GABRG3: variants seen among roughly 807,000 people sequenced by gnomAD.
GABRG3 encodes gamma-aminobutyric acid receptor subunit gamma-3.
A neutral mutation model predicts 48.8 loss-of-function variants in GABRG3; 25 were observed. The ratio of observed to expected loss-of-function variants is 0.51; its 90% confidence interval spans 0.37 to 0.72. GABRG3 has a LOEUF of 0.72. GABRG3 is among the 30% of genes least tolerant of loss of function. The pLI is 0.00. For missense variants in GABRG3, 394 were observed against 577.9 expected (o/e 0.68, Z 3.26); for synonymous variants, 227 against 217.6 (o/e 1.04, Z -0.38).
chr15:27,289,125 T>C (rs1293122167), intron 3 of GABRG3, among the ~76,000 whole-genome samples: 2 of 152,208 alleles, frequency 1.3e-5, no homozygotes, highest in Non-Finnish European at 2.9e-5. Context: ...TGTTTGATTA[T>C]GATATACCTA....
At chr15:27,494,612 A>G (rs1890438044) in intron 6 of GABRG3, among the ~76,000 whole-genome samples, 1 of 152,176 alleles carries the variant, frequency 6.6e-6, no homozygotes. Context: ...CAGCTAAGTT[A>G]CCACATTTAT....
At chr15:27,081,390 C>T (rs1046887580) in intron 3 of GABRG3, among the ~76,000 whole-genome samples, 3 of 151,726 alleles carry the variant, frequency 2.0e-5, no homozygotes, top group Non-Finnish European at 2.9e-5. Flanking sequence ...TTAGTAGTTT[C>T]CTTAACTATT....
intron 5 of GABRG3, among the ~76,000 whole-genome samples, chr15:27,412,900 T>A (rs1311325755): frequency 6.6e-6 from 1 of 152,158 alleles, no homozygotes; most frequent in East Asian, 1.9e-4. Flanking sequence ...TAACCTTGCA[T>A]GTCCAGTTAC....
chr15:27,255,521 C>G (rs1342731955), intron 3 of GABRG3, among the ~76,000 whole-genome samples: 1 of 152,228 alleles, frequency 6.6e-6, no homozygotes, highest in Non-Finnish European at 1.5e-5. Flanking sequence ...CTCACAGTTA[C>G]CATTCTGTTT....
chr15:27,242,348 A>C (rs1212846754), intron 3 of GABRG3, among the ~76,000 whole-genome samples: 1 of 152,308 alleles, frequency 6.6e-6, no homozygotes, highest in African/African-American at 2.4e-5. Context: ...CTGTGACATT[A>C]GTTTAGTTGC....
chr15:27,216,740 T>TTTTATTA (rs1555410274), intron 3 of GABRG3, among the ~76,000 whole-genome samples: 1 of 127,184 alleles, frequency 7.9e-6, no homozygotes, highest in Non-Finnish European at 1.6e-5. Flanking sequence ...TTTCTTTTTT[T>TTTTATTA]TTTTTTATTT....
At chr15:27,056,379 G>GA (rs1896547990) in intron 3 of GABRG3, among the ~76,000 whole-genome samples, 1 of 143,838 alleles carries the variant, frequency 7.0e-6, no homozygotes, top group Non-Finnish European at 1.5e-5. Context: ...AAAAAGAAAA[G>GA]AAAAAAGAAA....
chr15:27,032,899 C>T lies in GABRG3; in HGVS notation c.270+6078C>T, dbSNP rs528654184. On this transcript the variant is annotated intron_variant, in intron 3 of 9. Coordinates refer to ENST00000615808, the MANE Select transcript of GABRG3 (RefSeq NM_033223.5). ...GACCTGCAGTCTTGCAGAGGCTCCACTGGACTCTGGTTCCCCTGCCTTTCT... is the reference window on the plus strand; with the variant it reads ...GACCTGCAGTCTTGCAGAGGCTCCATTGGACTCTGGTTCCCCTGCCTTTCT... 1.1e-4 allele frequency among the ~76,000 whole-genome samples: 16 copies of T among 152,314 alleles called. No homozygotes were observed. In the South Asian group the frequency reaches 3.1e-3, roughly 30 times the overall value.
chr15:27,019,236 T>A (rs1034933213), intron 2 of GABRG3, among the ~76,000 whole-genome samples: 10 of 151,484 alleles, frequency 6.6e-5, no homozygotes, highest in Admixed American at 3.3e-4. Flanking sequence ...GCCTGGCTAA[T>A]TTTTTTTGTA....
intron 3 of GABRG3, among the ~76,000 whole-genome samples, chr15:27,085,347 A>G (rs1047513870): frequency 2.6e-5 from 4 of 152,200 alleles, no homozygotes; most frequent in African/African-American, 9.7e-5. Context: ...TACACCAGCT[A>G]TTTTTTAACC....
At chr15:27,291,970 C>A (rs527568124) in intron 3 of GABRG3, among the ~76,000 whole-genome samples, 16 of 152,276 alleles carry the variant, frequency 1.1e-4, no homozygotes, top group African/African-American at 3.8e-4. Context: ...AACAGGTTAC[C>A]TCCCCATAAT....
At chr15:27,246,585 A>G (rs1890277564) in intron 3 of GABRG3, among the ~76,000 whole-genome samples, 1 of 152,196 alleles carries the variant, frequency 6.6e-6, no homozygotes, top group East Asian at 1.9e-4. Context: ...TTCTTAGCTT[A>G]AATTTTTTTT....
chr15:26,985,676 G>A (rs1346861195), intron 2 of GABRG3, among the ~76,000 whole-genome samples: 1 of 151,972 alleles, frequency 6.6e-6, no homozygotes, highest in African/African-American at 2.4e-5. Context: ...AGCTGGTCTT[G>A]GTGTTAATGG....
intron 3 of GABRG3, among the ~76,000 whole-genome samples, chr15:27,192,094 C>T (rs28768838): frequency 0.012 from 1,894 of 152,172 alleles, 21 homozygotes; most frequent in Admixed American, 0.024. Context: ...CCGAGAGATC[C>T]GCTTTAGTCT....
chr15:27,500,871 T>C (rs1450320563), intron 6 of GABRG3, among the ~76,000 whole-genome samples: 3 of 150,690 alleles, frequency 2.0e-5, no homozygotes, highest in Non-Finnish European at 4.4e-5. Flanking sequence ...AGGAATCTTA[T>C]ATAAGGGGGA....
At chr15:27,389,319 G>C (rs1009937770) in intron 5 of GABRG3, among the ~76,000 whole-genome samples, 2 of 152,192 alleles carry the variant, frequency 1.3e-5, no homozygotes, top group Non-Finnish European at 2.9e-5. Flanking sequence ...GAAAGGGGTA[G>C]TTTTATGATA....
intron 5 of GABRG3, among the ~76,000 whole-genome samples, chr15:27,400,525 A>T (rs1158682896): frequency 6.6e-6 from 1 of 152,168 alleles, no homozygotes; most frequent in African/African-American, 2.4e-5. Context: ...TTCCATTCAC[A>T]TGTGGGTTTA....
intron 3 of GABRG3, among the ~76,000 whole-genome samples, chr15:27,244,510 T>TG (rs1047187317): frequency 3.9e-5 from 6 of 152,256 alleles, no homozygotes; most frequent in Non-Finnish European, 5.9e-5. Context: ...ATAGGTCTGT[T>TG]GCGTTTACTG....
chr15:26,998,942 C>T (rs192087892), intron 2 of GABRG3, among the ~76,000 whole-genome samples: 140 of 151,818 alleles, frequency 9.2e-4, no homozygotes, highest in African/African-American at 3.1e-3. Context: ...AATGTTTTTC[C>T]GTTAAATGGG....
Sources: allele counts gnomAD v4.1 joint callset (sites outside exome capture counted in the v4.1 genomes callset), GRCh38; gene constraint gnomAD v4.1.1; transcripts MANE v1.5; gene names NCBI Gene and HGNC (gene_info 2026-07-23, HGNC 2026-07-21).